The following ADAMTSL1 variants were observed in gnomAD, a reference collection of about 807,000 sequenced individuals.
ADAMTSL1 encodes ADAMTS-like protein 1.
A neutral mutation model predicts 201.8 loss-of-function variants in ADAMTSL1; 126 were observed. The ratio of observed to expected loss-of-function variants is 0.62; its 90% CI spans 0.54 to 0.72. ADAMTSL1 has a LOEUF of 0.72. ADAMTSL1 is among the 30% of genes least tolerant of loss of function. The pLI is 0.00. For missense variants in ADAMTSL1, 2,679 were observed against 2,277.8 expected, an observed-to-expected ratio of 1.18 and a Z score of -3.59; for synonymous variants, 1,121 against 903.4, an observed-to-expected ratio of 1.24 and a Z score of -4.32.
intron 4 of ADAMTSL1, among the ~76,000 whole-genome samples, chr9:18,608,171 A>C (rs1825149829): frequency 6.6e-6 from 1 of 152,210 alleles, no homozygotes; most frequent in Non-Finnish European, 1.5e-5. Context: ...TAATTTGGGT[A>C]CTTTTAAGGG....
chr9:18,514,900 G>C (rs1818273483), intron 2 of ADAMTSL1, among the ~76,000 whole-genome samples: 1 of 152,144 alleles, frequency 6.6e-6, no homozygotes, highest in East Asian at 1.9e-4. Context: ...TGTGATGTTA[G>C]CTGAGGACTT....
intron 26 of ADAMTSL1, among the ~76,000 whole-genome samples, chr9:18,903,105 T>C (rs1023974632): frequency 6.6e-6 from 1 of 152,172 alleles, no homozygotes; most frequent in African/African-American, 2.4e-5. Context: ...CTTGGGATGC[T>C]GAGGGTCAGG....
chr9:18,756,891 G>A (rs1469440574), intron 16 of ADAMTSL1, among the ~76,000 whole-genome samples: 3 of 152,178 alleles, frequency 2.0e-5, no homozygotes, highest in African/African-American at 7.2e-5. Flanking sequence ...TATGTAAATT[G>A]TCATCTGCCA....
chr9:18,722,024 A>G (rs1449962672), intron 15 of ADAMTSL1, among the ~76,000 whole-genome samples: 2 of 152,166 alleles, frequency 1.3e-5, no homozygotes, highest in Non-Finnish European at 2.9e-5. Flanking sequence ...CACCATAGTA[A>G]TGAACTGGTC....
At chr9:18,515,136 C>A (rs1818286387) in intron 2 of ADAMTSL1, among the ~76,000 whole-genome samples, 2 of 152,086 alleles carry the variant, frequency 1.3e-5, no homozygotes, top group South Asian at 2.1e-4. Context: ...TGGGCCCTAC[C>A]AAAGAACAGT....
intron 1 of ADAMTSL1, among the ~76,000 whole-genome samples, chr9:18,033,399 A>G (rs1821059116): frequency 6.6e-6 from 1 of 152,216 alleles, no homozygotes; most frequent in Non-Finnish European, 1.5e-5. Context: ...TAAAACGTTA[A>G]AGAAATCACT....
chr9:18,489,549 G>A (rs192144064), intron 1 of ADAMTSL1, among the ~76,000 whole-genome samples: 134 of 152,290 alleles, frequency 8.8e-4, no homozygotes, highest in Non-Finnish European at 6.0e-4. Context: ...CCATGAACAT[G>A]TTAAATCATT....
rs1821158789 is a variant in ADAMTSL1, at chr9:18,777,887, G to T, written c.3658G>T (p.Glu1220Ter). The part of the protein sequence containing the change: ...PTISWARNGE[E>*]VQFSDRILLQ... ...CATCAGCTGGGCCAGGAATGGAGAA[G>T]AAGTTCAGTTCAGTGACAGGTGAGC... is the stretch of plus-strand genomic sequence containing the variant. Residue 1220 changes from glutamate (E) to a stop codon, truncating the protein, a stop_gained, in exon 19 of 29, where the codon GAA becomes TAA. Coordinates refer to ENST00000380548, the MANE Select transcript of ADAMTSL1 (RefSeq NM_001040272.6). LOFTEE classifies it high-confidence loss of function. The T allele has an allele frequency of 6.4e-7, 1 of 1,554,136 alleles. No homozygotes were observed. Among genetic ancestry groups the T allele is most frequent in the Non-Finnish European group, 8.7e-7 (1 of 1,146,550 alleles).
Position 18,906,847 on chromosome 9 carries a change from A to C in ADAMTSL1, c.5117A>C (p.His1706Pro). 6.2e-7 allele frequency: 1 copy of C among 1,613,984 alleles called. No homozygotes were observed. The highest frequency in any genetic ancestry group is 8.5e-7 in the Non-Finnish European group (1 of 1,179,882). ...HARTNKAVPE[H>P]LCSWGPRPAN... is the part of the protein sequence containing the mutation. ...CGCACCAACAAGGCAGTGCCTGAGC[A>C]CCTGTGCTCCTGGGGGCCCCGGCCT... The change falls in exon 28 of 29, where the codon CAC becomes CCC. Residue 1706 changes from histidine (H) to proline (P), a missense_variant. His to Pro is a moderately conservative substitution (Grantham distance 77, BLOSUM62 -2). Coordinates refer to ENST00000380548, the MANE Select transcript of ADAMTSL1 (RefSeq NM_001040272.6).
chr9:18,360,011 A>G (rs1836446949), intron 2 of ADAMTSL1, among the ~76,000 whole-genome samples: 1 of 152,102 alleles, frequency 6.6e-6, no homozygotes, highest in Non-Finnish European at 1.5e-5. Context: ...ATTAGAGATT[A>G]AAACATCTAG....
At chr9:18,073,613 A>C (rs1823060701) in intron 1 of ADAMTSL1, among the ~76,000 whole-genome samples, 1 of 152,184 alleles carries the variant, frequency 6.6e-6, no homozygotes, top group African/African-American at 2.4e-5. Flanking sequence ...TCTTGGGTGA[A>C]AATATGAACA....
intron 5 of ADAMTSL1, among the ~76,000 whole-genome samples, chr9:18,623,193 C>G (rs1338218684): frequency 1.3e-5 from 2 of 151,916 alleles, no homozygotes; most frequent in Non-Finnish European, 2.9e-5. Context: ...CTGTGCCCAG[C>G]CTATATGAAG....
chr9:17,964,591 CA>C (rs1817902812), intron 1 of ADAMTSL1, among the ~76,000 whole-genome samples: 1 of 152,056 alleles, frequency 6.6e-6, no homozygotes, highest in Non-Finnish European at 1.5e-5. Context: ...TAGGTACACA[CA>C]AATGAGTGTC....
At chr9:18,835,435 C>A (rs184055028) in intron 23 of ADAMTSL1, among the ~76,000 whole-genome samples, 1 of 152,088 alleles carries the variant, frequency 6.6e-6, no homozygotes, top group African/African-American at 2.4e-5. Flanking sequence ...ATTCTCTTAA[C>A]AGTGTCTTAC....
chr9:18,508,902 A>ATATGTTCT (rs1381173934), intron 2 of ADAMTSL1, among the ~76,000 whole-genome samples: 6 of 142,684 alleles, frequency 4.2e-5, no homozygotes, highest in East Asian at 1.9e-4. Flanking sequence ...TTAGAAATAG[A>ATATGTTCT]GGCCGGGCGC....
intron 15 of ADAMTSL1, among the ~76,000 whole-genome samples, chr9:18,739,901 G>C (rs1049566609): frequency 2.1e-5 from 1 of 47,710 alleles, no homozygotes; most frequent in Non-Finnish European, 7.3e-5. Flanking sequence ...TCTACTATCT[G>C]TGTGTGTGTG....
chr9:18,809,747 C>G (rs556617357), intron 20 of ADAMTSL1, among the ~76,000 whole-genome samples: 3 of 152,206 alleles, frequency 2.0e-5, no homozygotes, highest in Non-Finnish European at 2.9e-5. Flanking sequence ...TGAGATCCCC[C>G]CATTGCACTC....
intron 2 of ADAMTSL1, among the ~76,000 whole-genome samples, chr9:18,283,221 G>T (rs754755609): frequency 2.6e-5 from 4 of 151,844 alleles, no homozygotes; most frequent in African/African-American, 2.4e-5. Context: ...CAATATTTTT[G>T]TCTTAAGATC....
chr9:18,846,297 G>T (rs561608067), intron 23 of ADAMTSL1, among the ~76,000 whole-genome samples: 2 of 152,266 alleles, frequency 1.3e-5, no homozygotes, highest in South Asian at 4.1e-4. Context: ...AGAGCTGGGG[G>T]CTTTTCAGGT....
Sources: allele counts gnomAD v4.1 joint callset (sites outside exome capture counted in the v4.1 genomes callset), GRCh38; gene constraint gnomAD v4.1.1; transcripts MANE v1.5; gene names NCBI Gene and HGNC (gene_info 2026-07-23, HGNC 2026-07-21).